The following SULT1C4 variants were observed in gnomAD, a reference collection of about 807,000 sequenced individuals.
SULT1C4 encodes the protein sulfotransferase family 1C member 4, also known as sulfotransferase 1C4.
In SULT1C4, 32 loss-of-function variants were observed where a neutral mutation model predicts 34.8. The observed-to-expected ratio is 0.92, with a 90% CI of 0.69 to 1.23. The LOEUF (loss-of-function observed/expected upper bound fraction) is 1.23, where lower values mean the gene tolerates loss of function less well. SULT1C4 is among the 50% of genes most tolerant of loss of function. The probability of loss-of-function intolerance (pLI) is 0.00; values close to 1 mark genes in which losing one functional copy is unlikely to be tolerated. For missense variants in SULT1C4, 375 were observed against 365.9 expected (o/e 1.02, Z -0.20); for synonymous variants, 111 against 120.5 (o/e 0.92, Z 0.51).
intron 5 of SULT1C4, among the ~76,000 whole-genome samples, chr2:108,385,018 C>T (rs1678533046): frequency 1.3e-5 from 2 of 152,250 alleles, no homozygotes; most frequent in African/African-American, 2.4e-5. Context: ...TACAAAATAT[C>T]AAAGGAGTGG....
intron 1 of SULT1C4, among the ~76,000 whole-genome samples, chr2:108,381,297 T>A (rs899590369): frequency 6.6e-6 from 1 of 152,142 alleles, no homozygotes; most frequent in Non-Finnish European, 1.5e-5. Flanking sequence ...AAGATATAAA[T>A]AAGGAATGCT....
intron 2 of SULT1C4, 27 bp downstream of exon 2, chr2:108,381,914 A>AC: frequency 6.9e-7 from 1 of 1,453,118 alleles, no homozygotes; most frequent in South Asian, 1.6e-5. Context: ...ACACTTCACT[A>AC]CAGTCCTAAA....
At chr2:108,381,173 G>C (rs1678378107) in intron 1 of SULT1C4, among the ~76,000 whole-genome samples, 1 of 151,946 alleles carries the variant, frequency 6.6e-6, no homozygotes, top group African/African-American at 2.4e-5. Context: ...TAAATAAATA[G>C]AACAATAATA....
intron 1 of SULT1C4, among the ~76,000 whole-genome samples, chr2:108,379,861 G>A (rs1003546993): frequency 2.6e-5 from 4 of 152,060 alleles, no homozygotes; most frequent in African/African-American, 4.8e-5. Flanking sequence ...CACTCACCCC[G>A]GAGCCTCTAG....
At position 108,378,369 on chromosome 2, in the gene SULT1C4, T is replaced by C; in HGVS notation, c.32T>C (p.Phe11Ser). Residue 11 changes from phenylalanine (F) to serine (S), a missense_variant, in exon 1 of 7, where the codon TTT (phenylalanine) becomes TCT (serine). Phe to Ser is a radical substitution (Grantham distance 155, BLOSUM62 -2). Coordinates refer to ENST00000272452, the MANE Select transcript of SULT1C4 (RefSeq NM_006588.4). MALHDMEDFT[F>S]DGTKRLSVNY... is the part of the protein sequence containing the mutation. ...TTACACGACATGGAGGATTTTACAT[T>C]TGATGGAACAAAGCGCTTAAGTGTC... is the stretch of plus-strand genomic sequence containing the variant. 6.2e-7 allele frequency: 1 copy of C among 1,614,102 alleles called. No individual in the cohort carries two copies. Among genetic ancestry groups the C allele is most frequent in the Non-Finnish European group, 8.5e-7 (1 of 1,179,986 alleles).
In SULT1C4 at chr2:108,388,816, T is replaced by A. The variant is rs751580448; in HGVS notation, c.*1384T>A. Among the ~76,000 whole-genome samples the A allele has an allele frequency of 1.3e-5, 2 of 152,188 alleles. No individual in the cohort carries two copies. The highest frequency in any genetic ancestry group is 2.9e-5 in the Non-Finnish European group (2 of 68,020). On this transcript the variant is annotated 3_prime_UTR_variant, in exon 7 of 7. Coordinates refer to ENST00000272452, the MANE Select transcript of SULT1C4 (RefSeq NM_006588.4). ...GTTTTATTTATACCAAGCCTCCTCC[T>A]GAAATTTCTCTTCCTTTCTTTCTAC...
intron 6 of SULT1C4, among the ~76,000 whole-genome samples, chr2:108,386,938 G>A (rs962672260): frequency 3.9e-5 from 6 of 152,158 alleles, no homozygotes; most frequent in African/African-American, 1.4e-4. Flanking sequence ...TCTTCAAATG[G>A]TACCTTGGGC....
chr2:108,384,292 C>T (rs1271228496), intron 5 of SULT1C4, among the ~76,000 whole-genome samples: 1 of 150,716 alleles, frequency 6.6e-6, no homozygotes, highest in Non-Finnish European at 1.5e-5. Context: ...TGCAGTGGCG[C>T]GATCTCTGGC....
At chr2:108,386,040 A>T (rs1035266507) in intron 5 of SULT1C4, 152 bp from the exon 6 acceptor site, 4 of 573,792 alleles carry the variant, frequency 7.0e-6, no homozygotes, top group Non-Finnish European at 8.1e-6. Context: ...AATATGGGTC[A>T]TCACGTTAAA....
rs1558704093 is a variant in SULT1C4, at chr2:108,388,357, A to C, written c.*925A>C. ...TTGACTCATCTTTCCCATTGCCACC[A>C]CAATCCATTCTAATATGTCAGAAAA... On this transcript the variant is annotated 3_prime_UTR_variant, in exon 7 of 7. Transcript: ENST00000272452. 7.0e-6 allele frequency among the ~76,000 whole-genome samples: 1 copy of C among 143,830 alleles called. No individual in the cohort carries two copies. Among genetic ancestry groups the C allele is most frequent in the Non-Finnish European group, 1.5e-5 (1 of 67,384 alleles). The allele number at this position is 143,830 out of a possible 152,430, so 94.4% of individuals were successfully genotyped here.
chr2:108,383,960 C>A (rs1001816672), intron 5 of SULT1C4, among the ~76,000 whole-genome samples: 3 of 151,872 alleles, frequency 2.0e-5, no homozygotes, highest in Admixed American at 1.3e-4. Flanking sequence ...GCTCCGCCTC[C>A]CGGGTTCAAG....
In SULT1C4 at chr2:108,381,772, G is replaced by A. The variant is rs1678403557; in HGVS notation, c.180G>A (p.Trp60Ter). 2 of 1,416,622 alleles carry A rather than the reference G, an allele frequency of 1.4e-6. No homozygotes were observed. Among genetic ancestry groups the A allele is most frequent in the Non-Finnish European group, 1.8e-6 (2 of 1,081,350 alleles). The allele number at this position is 1,416,622 out of a possible 1,614,324, so 87.8% of individuals were successfully genotyped here. A position where few individuals can be genotyped will look rare whatever the true frequency, so the allele number is the denominator to read the frequency against. Residue 60 changes from tryptophan (W) to a stop codon, truncating the protein, a stop_gained, in exon 2 of 7, where the codon TGG becomes TGA. Transcript: ENST00000272452. LOFTEE classifies it high-confidence loss of function. Reference protein sequence around the residue: ...ISTYPKAGTTWTQEIVELIQN... With the variant: ...ISTYPKAGTT Reference sequence around the variant, plus strand: ...TTACGTGCACGTAAGGAACAACATGGACTCAGGAGATAGTGGAATTAATAC... The same window carrying A: ...TTACGTGCACGTAAGGAACAACATGAACTCAGGAGATAGTGGAATTAATAC...
At chr2:108,382,900 C>T (rs142276863) in intron 3 of SULT1C4, 193 bp from the exon 4 acceptor site, 1 of 261,712 alleles carries the variant, frequency 3.8e-6, no homozygotes, top group African/African-American at 7.6e-5. Context: ...AAGACTCCAT[C>T]TCAAAAAAAA....
In SULT1C4 at chr2:108,383,414, A is replaced by C; in HGVS notation, c.521-2A>C. 2 of 1,613,872 alleles carry C rather than the reference A, an allele frequency of 1.2e-6. No individual in the cohort carries two copies. Among genetic ancestry groups the C allele is most frequent in the Non-Finnish European group, 1.7e-6 (2 of 1,179,878 alleles). On this transcript the variant is annotated splice_acceptor_variant, in intron 4 of 6. Transcript: ENST00000272452. LOFTEE classifies it high-confidence loss of function. ...TGTCCTGTTTTCCATCCCATCCTCC[A>C]GTGTGCTGGGGCTCCTGGCATGAAC... is the stretch of plus-strand genomic sequence containing the variant.
chr2:108,383,813 G>GA (rs973004796), intron 5 of SULT1C4, among the ~76,000 whole-genome samples: 41 of 151,066 alleles, frequency 2.7e-4, no homozygotes, highest in Middle Eastern at 3.2e-3. Context: ...AGTTTAGCAG[G>GA]AAAAAAAATC....
At chr2:108,379,885 T>C (rs1197905727) in intron 1 of SULT1C4, among the ~76,000 whole-genome samples, 2 of 152,216 alleles carry the variant, frequency 1.3e-5, no homozygotes, top group Non-Finnish European at 2.9e-5. Flanking sequence ...CATTTGAATC[T>C]GCCCTCATGT....
Position 108,382,902 on chromosome 2 carries a change from C to CA in SULT1C4, c.394-162dup, listed in dbSNP as rs60764322. The CA allele has an allele frequency of 4.8e-3, 392 of 81,216 alleles. 33 individuals are homozygous for CA. Among genetic ancestry groups the CA allele is most frequent in the Middle Eastern group, 0.011 (2 of 184 alleles). The allele number at this position is 81,216 out of a possible 1,614,324, so 5.0% of individuals were successfully genotyped here. On this transcript the variant is annotated intron_variant, in intron 3 of 6. Coordinates refer to ENST00000272452, the MANE Select transcript of SULT1C4 (RefSeq NM_006588.4). ...TGGGTGACAGAGCAAGACTCCATCT[C>CA]AAAAAAAAAAAAAAAAAAAAAAAAA...
At chr2:108,379,036 A>G (rs1298892545) in intron 1 of SULT1C4, among the ~76,000 whole-genome samples, 1 of 152,206 alleles carries the variant, frequency 6.6e-6, no homozygotes, top group East Asian at 1.9e-4. Context: ...TCAGTTTAAC[A>G]AAGTTGTCTG....
chr2:108,381,623 C>A, intron 1 of SULT1C4, 139 bp from the exon 2 acceptor site: 7 of 982,666 alleles, frequency 7.1e-6, no homozygotes, highest in Non-Finnish European at 9.3e-6. Flanking sequence ...AGCCTTGATA[C>A]AGAGCAAGAC....
Sources: gnomAD v4.1 joint callset for allele counts (sites outside exome capture counted in the v4.1 genomes callset) on GRCh38, gnomAD v4.1.1 for gene constraint, MANE v1.5 for transcripts, NCBI Gene and HGNC (gene_info 2026-07-23, HGNC 2026-07-21) for gene names.